RBFOX1: variants seen among roughly 807,000 people sequenced by gnomAD.
RBFOX1 encodes the protein RNA binding protein fox-1 homolog 1.
In RBFOX1, 8 loss-of-function variants were observed where a neutral mutation model predicts 57.7. The observed-to-expected ratio is 0.14, with a 90% CI of 0.08 to 0.25. The LOEUF (loss-of-function observed/expected upper bound fraction) is 0.25. Ranked by LOEUF, RBFOX1 falls within the 10% of genes least tolerant of loss-of-function variation. The pLI, the probability that RBFOX1 is intolerant of heterozygous loss-of-function variation, is 1.00. For missense variants in RBFOX1, 611 were observed against 548.5 expected (o/e 1.11, Z -1.14); for synonymous variants, 326 against 222.4 (o/e 1.47, Z -4.15).
At chr16:7,164,159 C>G (rs545227145) in intron 4 of RBFOX1, among the ~76,000 whole-genome samples, 8 of 152,116 alleles carry the variant, frequency 5.3e-5, no homozygotes, top group African/African-American at 9.7e-5. Flanking sequence ...CTGTATCATT[C>G]TTACGTCTTT....
rs372526364 is a variant in RBFOX1 at position 6,739,996 on chromosome 16, A to G, written c.-16+85346A>G. 1.1e-3 allele frequency among the ~76,000 whole-genome samples: 164 copies of G among 152,356 alleles called. 1 individual carries two copies. Among genetic ancestry groups the G allele is most frequent in the African/African-American group, 3.6e-3 (151 of 41,594 alleles). ...AGAAAACTGCAAATCAATATCCCTG[A>G]TAAATATAGAATTAACACTATTTAA... On this transcript the variant is annotated intron_variant, in intron 3 of 15. Transcript: ENST00000550418.
chr16:7,215,618 T>C (rs1295645757), intron 4 of RBFOX1, among the ~76,000 whole-genome samples: 1 of 152,176 alleles, frequency 6.6e-6, no homozygotes, highest in African/African-American at 2.4e-5. Flanking sequence ...ACACCATCTT[T>C]ATAACCCTCA....
intron 1 of RBFOX1, among the ~76,000 whole-genome samples, chr16:5,461,422 G>A (rs187166819): frequency 2.2e-4 from 34 of 152,038 alleles, no homozygotes; most frequent in African/African-American, 7.0e-4. Context: ...CAGCAGGCTG[G>A]CAGGGAGGGC....
chr16:6,681,671 GAA>G (rs34916559), intron 3 of RBFOX1, among the ~76,000 whole-genome samples: 21,044 of 145,476 alleles, frequency 0.14, 2,247 homozygotes, highest in African/African-American at 0.32. Flanking sequence ...CATTTAACCA[GAA>G]AAAAAAAAAA....
chr16:6,169,232 A>G lies in RBFOX1; in HGVS notation c.-126-147763A>G, dbSNP rs187896815. The stretch of plus-strand genomic sequence containing the variant: ...TTGGTAGATGGAACTTGAAAGCAAG[A>G]GTAGAACTCGGCAAATGTGGAAGTT... On this transcript the variant is annotated intron_variant, in intron 1 of 15. Transcript: ENST00000550418. Among the ~76,000 whole-genome samples the G allele has an allele frequency of 1.3e-4, 19 of 150,878 alleles. No individual in the cohort carries two copies. The East Asian group carries it at 3.3e-3, about 27-fold the overall frequency.
intron 4 of RBFOX1, among the ~76,000 whole-genome samples, chr16:6,008,838 A>G (rs2094942764): frequency 6.6e-6 from 1 of 152,224 alleles, no homozygotes; most frequent in Non-Finnish European, 1.5e-5. Flanking sequence ...TTTATTGCCA[A>G]GTTGCTTAAT....
intron 4 of RBFOX1, among the ~76,000 whole-genome samples, chr16:5,972,720 C>T (rs1043245508): frequency 5.9e-5 from 9 of 152,180 alleles, no homozygotes; most frequent in Non-Finnish European, 1.2e-4. Context: ...TGGTGGGGCT[C>T]TGGCAGTCTC....
chr16:6,746,044 C>T (rs2073536303), intron 3 of RBFOX1, among the ~76,000 whole-genome samples: 1 of 152,084 alleles, frequency 6.6e-6, no homozygotes, highest in Non-Finnish European at 1.5e-5. Context: ...CAGTGAAATA[C>T]TTAGAGGAAC....
chr16:7,026,876 G>A (rs1344107997), intron 3 of RBFOX1, among the ~76,000 whole-genome samples: 1 of 152,210 alleles, frequency 6.6e-6, no homozygotes, highest in Non-Finnish European at 1.5e-5. Flanking sequence ...TTGCAAGGGA[G>A]GGCTTTGCTT....
chr16:7,683,010 G>GTGTATATATATATATATATATATA, intron 14 of RBFOX1, among the ~76,000 whole-genome samples: 1 of 4,902 alleles, frequency 2.0e-4, no homozygotes, highest in African/African-American at 4.2e-4. Context: ...GTGTGTGTGT[G>GTGTATATATATATATATATATATA]TATATATATA....
intron 3 of RBFOX1, among the ~76,000 whole-genome samples, chr16:6,753,876 T>G (rs2075363072): frequency 6.6e-6 from 1 of 152,150 alleles, no homozygotes; most frequent in Non-Finnish European, 1.5e-5. Context: ...TGATGTGCTC[T>G]CGGTCATTTG....
rs377137422 is a variant in RBFOX1 at position 6,843,346 on chromosome 16, G to GA, written c.-16+188707dup. On this transcript the variant is annotated intron_variant, in intron 3 of 15. Coordinates refer to ENST00000550418, the MANE Select transcript of RBFOX1 (RefSeq NM_018723.4). Reference sequence around the variant, plus strand: ...TAGAGAAAACACATATTCCAGGGAGGAAAAAAAAAAATTCCTTACTTTTTG... The same window carrying GA: ...TAGAGAAAACACATATTCCAGGGAGGAAAAAAAAAAAATTCCTTACTTTTTG... Among the ~76,000 whole-genome samples the GA allele has an allele frequency of 1.1e-3, 168 of 146,770 alleles. 1 individual carries two copies. In the South Asian group the frequency reaches 0.013, roughly 11 times the overall value.
chr16:7,379,500 T>C (rs2097749821), intron 4 of RBFOX1, among the ~76,000 whole-genome samples: 1 of 152,204 alleles, frequency 6.6e-6, no homozygotes, highest in African/African-American at 2.4e-5. Flanking sequence ...GTGGATAATT[T>C]ACTAAAAAAT....
At chr16:6,639,433 G>A (rs567734271) in intron 2 of RBFOX1, among the ~76,000 whole-genome samples, 2 of 152,250 alleles carry the variant, frequency 1.3e-5, no homozygotes, top group South Asian at 4.1e-4. Flanking sequence ...ATCTTTTGTG[G>A]CCAGTAGGGG....
At chr16:5,910,063 C>T (rs1054754223) in intron 4 of RBFOX1, among the ~76,000 whole-genome samples, 1 of 150,418 alleles carries the variant, frequency 6.6e-6, no homozygotes, top group Non-Finnish European at 1.5e-5. Context: ...CAAACAAAAA[C>T]AAAAAACAAA....
intron 4 of RBFOX1, among the ~76,000 whole-genome samples, chr16:7,315,652 A>G (rs993204180): frequency 6.9e-6 from 1 of 145,338 alleles, no homozygotes; most frequent in Non-Finnish European, 1.5e-5. Flanking sequence ...AACAGAATAT[A>G]TATATATATA....
intron 3 of RBFOX1, among the ~76,000 whole-genome samples, chr16:5,740,120 C>T (rs1214454630): frequency 2.0e-5 from 3 of 152,116 alleles, no homozygotes; most frequent in African/African-American, 7.2e-5. Flanking sequence ...GAGGGCAGAG[C>T]GGCCACTGGG....
chr16:6,631,349 C>A (rs1210383113), intron 2 of RBFOX1, among the ~76,000 whole-genome samples: 2 of 151,746 alleles, frequency 1.3e-5, no homozygotes, highest in African/African-American at 2.4e-5. Context: ...GAAAGTAGAA[C>A]CTTATAAAGA....
At chr16:6,337,147 A>C (rs1439290753) in intron 2 of RBFOX1, among the ~76,000 whole-genome samples, 2 of 152,182 alleles carry the variant, frequency 1.3e-5, no homozygotes, top group African/African-American at 4.8e-5. Context: ...CCATGTTATG[A>C]ATTAATGCAT....
Sources: gnomAD v4.1 joint callset for allele counts (sites outside exome capture counted in the v4.1 genomes callset) on GRCh38, gnomAD v4.1.1 for gene constraint, MANE v1.5 for transcripts, NCBI Gene and HGNC (gene_info 2026-07-23, HGNC 2026-07-21) for gene names.